ARHGAP26: variants seen among roughly 807,000 people sequenced by gnomAD.
ARHGAP26 encodes the protein rho GTPase-activating protein 26.
Under a neutral mutation model 104.8 loss-of-function variants are expected in ARHGAP26, and 38 were observed. The observed-to-expected ratio is 0.36, with a 90% confidence interval of 0.28 to 0.48. The LOEUF (loss-of-function observed/expected upper bound fraction) is 0.48. Ranked by LOEUF, ARHGAP26 falls within the 20% of genes least tolerant of loss-of-function variation. The pLI, the probability that ARHGAP26 is intolerant of heterozygous loss-of-function variation, is 0.99. For missense variants in ARHGAP26, 704 were observed against 947.9 expected, an observed-to-expected ratio of 0.74 and a Z score of 3.38; for synonymous variants, 341 against 340.0, an observed-to-expected ratio of 1.00 and a Z score of -0.03.
chr5:143,213,775 A>G (rs1809887344), intron 21 of ARHGAP26, among the ~76,000 whole-genome samples: 1 of 152,100 alleles, frequency 6.6e-6, no homozygotes, highest in African/African-American at 2.4e-5. Flanking sequence ...CAAAAAGTGT[A>G]GTTTCTTGAA....
intron 11 of ARHGAP26, among the ~76,000 whole-genome samples, chr5:142,984,220 G>C (rs1774349578): frequency 1.3e-5 from 2 of 152,232 alleles, no homozygotes; most frequent in Admixed American, 1.3e-4. Flanking sequence ...AGGTTTGCCA[G>C]AAATCGCCTG....
rs138800587 is a variant in ARHGAP26, at chr5:142,982,613, A to G, written c.1108-31467A>G. ...GGATCTCACCACCCAGTGTGAGCCA[A>G]TTCCAGCCTCGCTATTTTATCTGCC... On this transcript the variant is annotated intron_variant, in intron 11 of 22. Transcript: ENST00000645722. Among the ~76,000 whole-genome samples, 8 of 152,328 alleles carry G rather than the reference A, an allele frequency of 5.3e-5. No individual in the cohort carries two copies. In the East Asian group the frequency reaches 1.5e-3, roughly 29 times the overall value.
chr5:143,026,817 G>A (rs1280620275), intron 12 of ARHGAP26, among the ~76,000 whole-genome samples: 32 of 128,446 alleles, frequency 2.5e-4, no homozygotes, highest in African/African-American at 8.7e-4. Context: ...GGTGGGGGGT[G>A]GGGGCAAAAT....
chr5:142,879,442 C>T lies in ARHGAP26; in HGVS notation c.381C>T (p.Ala127=). ...EKFRKEQIGA[A]KEAKKKYDKE... ...TTCGAAAGGAACAGATCGGGGCTGC[C>T]AAGGTGAGAATTTTGCAAGCTTTGG... Residue 127 remains alanine, a synonymous_variant, in exon 4 of 23, where the codon GCC becomes GCT. Coordinates refer to ENST00000645722, the MANE Select transcript of ARHGAP26 (RefSeq NM_001135608.3). The T allele has an allele frequency of 6.2e-7, 1 of 1,610,134 alleles. No homozygotes were observed. Among genetic ancestry groups the T allele is most frequent in the Non-Finnish European group, 8.5e-7 (1 of 1,178,288 alleles).
chr5:143,033,960 A>G (rs775840647), intron 12 of ARHGAP26, among the ~76,000 whole-genome samples: 5 of 152,216 alleles, frequency 3.3e-5, no homozygotes, highest in Non-Finnish European at 5.9e-5. Context: ...TATTGTGACT[A>G]CTGTATAAAG....
At chr5:143,057,121 T>C (rs1039531190) in intron 16 of ARHGAP26, among the ~76,000 whole-genome samples, 2 of 152,220 alleles carry the variant, frequency 1.3e-5, no homozygotes, top group African/African-American at 4.8e-5. Context: ...CTTGAATATT[T>C]TATCTGCCAT....
chr5:142,808,331 T>C (rs1763431077), intron 1 of ARHGAP26, among the ~76,000 whole-genome samples: 1 of 150,472 alleles, frequency 6.6e-6, no homozygotes, highest in South Asian at 2.1e-4. Flanking sequence ...TCTTTTCTGC[T>C]TGTTAAACTC....
intron 20 of ARHGAP26, chr5:143,166,213 A>G (rs997214880): frequency 2.7e-4 from 183 of 675,388 alleles, no homozygotes; most frequent in Non-Finnish European, 3.6e-4. Context: ...GTGAACACAA[A>G]AGCTCTCTGA....
At chr5:142,883,120 T>C (rs1236147652) in intron 4 of ARHGAP26, among the ~76,000 whole-genome samples, 1 of 152,176 alleles carries the variant, frequency 6.6e-6, no homozygotes, top group Non-Finnish European at 1.5e-5. Flanking sequence ...TTTCTCCTTA[T>C]TTTTTTCTCT....
intron 8 of ARHGAP26, among the ~76,000 whole-genome samples, chr5:142,904,851 C>T (rs1760890968): frequency 6.6e-6 from 1 of 152,134 alleles, no homozygotes; most frequent in African/African-American, 2.4e-5. Context: ...TAGAGTTAGG[C>T]AGATGTCTTC....
chr5:142,876,467 A>G (rs960280716), intron 3 of ARHGAP26, among the ~76,000 whole-genome samples: 1 of 152,026 alleles, frequency 6.6e-6, no homozygotes, highest in Admixed American at 6.6e-5. Flanking sequence ...AGTCTGCATT[A>G]TATTAAAAAA....
intron 11 of ARHGAP26, among the ~76,000 whole-genome samples, chr5:143,003,425 C>T (rs2152791515): frequency 6.6e-6 from 1 of 152,360 alleles, no homozygotes; most frequent in Middle Eastern, 3.4e-3. Flanking sequence ...AAGGAATGCG[C>T]ATCCTTAAGC....
At position 143,005,007 on chromosome 5, in the gene ARHGAP26, C is replaced by T. The variant is rs139377014; in HGVS notation, c.1108-9073C>T. 7.5e-3 allele frequency among the ~76,000 whole-genome samples: 1,147 copies of T among 152,210 alleles called. 18 individuals are homozygous for T. Among genetic ancestry groups the T allele is most frequent in the African/African-American group, 0.024 (1,010 of 41,540 alleles). ...ATTCAAGGATGACAGCACAGTTTCT[C>T]GTTCAACTTTGTTGCACATTTTTCT... On this transcript the variant is annotated intron_variant, in intron 11 of 22. Coordinates refer to ENST00000645722, the MANE Select transcript of ARHGAP26 (RefSeq NM_001135608.3).
At position 142,816,124 on chromosome 5, in the gene ARHGAP26, T is replaced by C. The variant is rs572782896; in HGVS notation, c.154+45209T>C. Among the ~76,000 whole-genome samples, 16 of 152,296 alleles carry C rather than the reference T, an allele frequency of 1.1e-4. No homozygotes were observed. The South Asian group carries it at 3.3e-3, about 32-fold the overall frequency. ...CTCTGTGCTTCTGTAGGACTCTGAT[T>C]CTTTCCCTTCTACAGCATAGAGATA... On this transcript the variant is annotated intron_variant, in intron 1 of 22. Coordinates refer to ENST00000645722, the MANE Select transcript of ARHGAP26 (RefSeq NM_001135608.3).
At chr5:142,874,511 T>C (rs560536365) in intron 2 of ARHGAP26, among the ~76,000 whole-genome samples, 5 of 152,352 alleles carry the variant, frequency 3.3e-5, no homozygotes, top group Admixed American at 3.3e-4. Flanking sequence ...CTCAAGGGTC[T>C]CGAGTATCCT....
chr5:143,202,384 A>G (rs1056273059), intron 20 of ARHGAP26: 1 of 152,132 alleles, frequency 6.6e-6, no homozygotes, highest in Non-Finnish European at 1.5e-5. Flanking sequence ...TTCAAGGAAA[A>G]CTACAGACCA....
At chr5:142,810,237 T>C (rs900129859) in intron 1 of ARHGAP26, among the ~76,000 whole-genome samples, 2 of 152,294 alleles carry the variant, frequency 1.3e-5, no homozygotes, top group South Asian at 4.1e-4. Flanking sequence ...GAAGGCCTCA[T>C]TGTGTGTTGT....
At chr5:142,974,318 G>A (rs1264841086) in intron 11 of ARHGAP26, among the ~76,000 whole-genome samples, 1 of 151,648 alleles carries the variant, frequency 6.6e-6, no homozygotes, top group Non-Finnish European at 1.5e-5. Context: ...CAACCATCAG[G>A]CAGGAAGGGC....
intron 21 of ARHGAP26, chr5:143,207,594 T>C: frequency 8.2e-7 from 1 of 1,215,754 alleles, no homozygotes; most frequent in Non-Finnish European, 1.2e-6. Context: ...AAGGGACCAT[T>C]TGCATGAATC....
Sources: gnomAD v4.1 joint callset for allele counts (sites outside exome capture counted in the v4.1 genomes callset) on GRCh38, gnomAD v4.1.1 for gene constraint, MANE v1.5 for transcripts, NCBI Gene and HGNC (gene_info 2026-07-23, HGNC 2026-07-21) for gene names.